RBM4B: variants seen among roughly 807,000 people sequenced by gnomAD.
The protein encoded by RBM4B is RNA binding motif protein 4B.
RBM4B carries 13 observed loss-of-function variants against 28.5 expected under a neutral mutation model. That is an observed-to-expected ratio of 0.46 (90% CI 0.30 to 0.72). RBM4B has a LOEUF of 0.72. Ranked by LOEUF, RBM4B falls within the 30% of genes least tolerant of loss-of-function variation. The pLI is 0.09. For missense variants in RBM4B, 387 were observed against 477.6 expected, an observed-to-expected ratio of 0.81 and a Z score of 1.77; for synonymous variants, 167 against 179.1, an observed-to-expected ratio of 0.93 and a Z score of 0.54.
chr11:66,673,796 A>G (rs1939547895), intron 2 of RBM4B, among the ~76,000 whole-genome samples: 2 of 152,156 alleles, frequency 1.3e-5, no homozygotes, highest in Admixed American at 1.3e-4. Context: ...CTTCATTAGT[A>G]GACAACTGAA....
At chr11:66,673,743 G>A (rs1198001594) in intron 2 of RBM4B, among the ~76,000 whole-genome samples, 1 of 152,196 alleles carries the variant, frequency 6.6e-6, no homozygotes, top group Admixed American at 6.5e-5. Context: ...TTACAGGAGT[G>A]AGCCACCTCA....
At chr11:66,672,975 T>C (rs575901182) in intron 2 of RBM4B, among the ~76,000 whole-genome samples, 1 of 152,342 alleles carries the variant, frequency 6.6e-6, no homozygotes, top group African/African-American at 2.4e-5. Flanking sequence ...CAAAAGTTAC[T>C]GAAGTTTGTT....
At chr11:66,672,077 A>G (rs1231968572) in intron 2 of RBM4B, among the ~76,000 whole-genome samples, 5 of 152,172 alleles carry the variant, frequency 3.3e-5, no homozygotes, top group African/African-American at 4.8e-5. Flanking sequence ...AAAAAAATCT[A>G]TAATAGGGGT....
chr11:66,668,510 G>T (rs1939330995), intron 3 of RBM4B, 105 bp downstream of exon 3: 1 of 840,280 alleles, frequency 1.2e-6, no homozygotes, highest in South Asian at 1.8e-5. Flanking sequence ...GCACCTTTTG[G>T]ATACTGTCCG....
At chr11:66,677,363 C>A in intron 1 of RBM4B, 1 of 503,336 alleles carries the variant, frequency 2.0e-6, no homozygotes, top group Non-Finnish European at 3.5e-6. Context: ...TTAGCTGCTT[C>A]ATGTCTTAAA....
chr11:66,668,906 A>G lies in RBM4B; in HGVS notation c.798T>C (p.Thr266=), dbSNP rs1178404254. Residue 266 remains threonine, a synonymous_variant, in exon 3 of 4, where the codon ACT becomes ACC. Coordinates refer to ENST00000310046, the MANE Select transcript of RBM4B (RefSeq NM_031492.4). The part of the protein sequence containing the change: ...STTVTSHLNS[T]SVDPYDRHLL... ...GGTGTCTGTCATAGGGATCAACAGAAGTAGAGTTGAGGTGGCTGGTCACAG... is the reference window on the plus strand; with the variant it reads ...GGTGTCTGTCATAGGGATCAACAGAGGTAGAGTTGAGGTGGCTGGTCACAG... 1.2e-6 allele frequency: 2 copies of G among 1,614,058 alleles called. No homozygotes were observed. Among genetic ancestry groups the G allele is most frequent in the Non-Finnish European group, 8.5e-7 (1 of 1,180,030 alleles).
intron 2 of RBM4B, among the ~76,000 whole-genome samples, chr11:66,674,316 T>A (rs1455024796): frequency 1.3e-5 from 2 of 150,704 alleles, no homozygotes; most frequent in African/African-American, 2.4e-5. Flanking sequence ...CTCTGCCTCC[T>A]GGGTTCACGC....
chr11:66,666,783 G>A (rs1426453665), intron 3 of RBM4B: 2 of 152,024 alleles, frequency 1.3e-5, no homozygotes, highest in African/African-American at 4.8e-5. Context: ...ACACAGACTA[G>A]CTGCATGGTG....
chr11:66,677,573 C>G (rs939314987), intron 1 of RBM4B, 191 bp downstream of exon 1: 1 of 158,746 alleles, frequency 6.3e-6, no homozygotes. Flanking sequence ...CCAGCTTCTT[C>G]GCCCCAACAA....
chr11:66,668,767 G>A lies in RBM4B; in HGVS notation c.937C>T (p.Leu313Phe). ...CCGTAGCCCTCTCCAACTGTGGGGA[G>A]CATGGCTGCAGCACGACGCAGTGGG... is the stretch of plus-strand genomic sequence containing the variant. ...RSPLRRAAAMLPTVGEGYGYG... is the reference protein window; with the variant it reads ...RSPLRRAAAMFPTVGEGYGYG... The change falls in exon 3 of 4, where the codon CTC (leucine) becomes TTC (phenylalanine). Residue 313 changes from leucine to phenylalanine, a missense_variant. Around this residue, in one of 2 missense-constraint regions of RBM4B, gnomAD observed 226 missense variants for 220.6 expected, o/e 1.02. Coordinates refer to ENST00000310046, the MANE Select transcript of RBM4B (RefSeq NM_031492.4). 6.2e-7 allele frequency: 1 copy of A among 1,614,232 alleles called. No homozygotes were observed. The highest frequency in any genetic ancestry group is 2.2e-5 in the East Asian group (1 of 44,894).
chr11:66,672,505 TGG>T (rs544414659), intron 2 of RBM4B, among the ~76,000 whole-genome samples: 1 of 135,876 alleles, frequency 7.4e-6, no homozygotes, highest in Non-Finnish European at 1.6e-5. Flanking sequence ...TTAATTTTTT[TGG>T]GGGGGGGGGA....
At position 66,676,679 on chromosome 11, in the gene RBM4B, G is replaced by C; in HGVS notation, c.401C>G (p.Thr134Arg). Reference protein sequence around the residue: ...AVEAIRGLDNTEFQGKRMHVQ... With the variant: ...AVEAIRGLDNREFQGKRMHVQ... ...CCAGAGCAGTTCACCTTGAAACTCTGTGTTGTCAAGGCCCCTGATGGCCTC... is the reference window on the plus strand; with the variant it reads ...CCAGAGCAGTTCACCTTGAAACTCTCTGTTGTCAAGGCCCCTGATGGCCTC... The change falls in exon 2 of 4, where the codon ACA (threonine) becomes AGA (arginine). Residue 134 changes from threonine (T) to arginine (R), a missense_variant. By Grantham distance (71) the Thr-to-Arg change is moderately conservative. Around this residue, in one of 2 missense-constraint regions of RBM4B, gnomAD observed 161 missense variants for 256.9 expected, o/e 0.63. Coordinates refer to ENST00000310046, the MANE Select transcript of RBM4B (RefSeq NM_031492.4). 6.2e-7 allele frequency: 1 copy of C among 1,613,990 alleles called. No homozygotes were observed. Among genetic ancestry groups the C allele is most frequent in the Non-Finnish European group, 8.5e-7 (1 of 1,179,898 alleles).
chr11:66,668,544 C>CT, intron 3 of RBM4B, 71 bp downstream of exon 3: 1 of 1,347,032 alleles, frequency 7.4e-7, no homozygotes, highest in Non-Finnish European at 1.0e-6. Context: ...GCTCTAGCCA[C>CT]TTTTATGAAG....
rs145858657 is a variant in RBM4B at position 66,668,748 on chromosome 11, C to T, written c.956G>A (p.Gly319Asp). 1.2e-6 allele frequency: 2 copies of T among 1,614,216 alleles called. No individual in the cohort carries two copies. The highest frequency in any genetic ancestry group is 1.3e-5 in the African/African-American group (1 of 75,046). ...TTCACTCTCTGGCCCATAACCGTAG[C>T]CCTCTCCAACTGTGGGGAGCATGGC... ...AAAMLPTVGE[G>D]YGYGPESELS... Residue 319 changes from glycine (G) to aspartate (D), a missense_variant, in exon 3 of 4, where the codon GGC becomes GAC. Gly to Asp is a moderately conservative substitution (Grantham distance 94). Around this residue, in one of 2 missense-constraint regions of RBM4B, gnomAD observed 226 missense variants for 220.6 expected, o/e 1.02. Coordinates refer to ENST00000310046, the MANE Select transcript of RBM4B (RefSeq NM_031492.4).
intron 3 of RBM4B, chr11:66,667,059 A>G (rs1939263603): frequency 6.6e-6 from 1 of 151,950 alleles, no homozygotes; most frequent in Non-Finnish European, 1.5e-5. Flanking sequence ...GCCACTGTAC[A>G]CAGCTGCTTT....
In RBM4B at chr11:66,677,238, C is replaced by T. The variant is rs1590890065; in HGVS notation, c.-12-147G>A. 1.1e-5 allele frequency: 12 copies of T among 1,070,050 alleles called. 1 individual carries two copies. The East Asian group carries it at 3.1e-4, about 27-fold the overall frequency. The allele number at this position is 1,070,050 out of a possible 1,614,324, so 66.3% of individuals were successfully genotyped here. A position where few individuals can be genotyped will look rare whatever the true frequency, so the allele number is the denominator to read the frequency against. On this transcript the variant is annotated intron_variant, in intron 1 of 3. Transcript: ENST00000310046. ...TTATTCTTCCTCAATAGAAGAAGGG[C>T]GGTTTGTTCTCGAGAAGTGCGAGCT... is the stretch of plus-strand genomic sequence containing the variant.
intron 1 of RBM4B, 177 bp from the exon 2 acceptor site, chr11:66,677,268 G>C (rs145247777): frequency 2.6e-6 from 2 of 757,514 alleles, no homozygotes; most frequent in Non-Finnish European, 4.2e-6. Flanking sequence ...CGAGCTATGC[G>C]TGACATGCAA....
chr11:66,666,217 TTGA>T (rs1226255612), intron 3 of RBM4B: 2 of 878,278 alleles, frequency 2.3e-6, no homozygotes, highest in African/African-American at 1.8e-5. Context: ...AATCCTTCTA[TTGA>T]TGATGGGAAC....
At chr11:66,676,645 T>C (rs1398971814) in intron 2 of RBM4B, 23 bp downstream of exon 2, 3 of 1,611,600 alleles carry the variant, frequency 1.9e-6, no homozygotes, top group Middle Eastern at 1.7e-4. Flanking sequence ...TCGGCGCTAC[T>C]ACCCAGGCCC....
Sources: allele counts gnomAD v4.1 joint callset (sites outside exome capture counted in the v4.1 genomes callset), GRCh38; gene constraint gnomAD v4.1.1; regional missense constraint gnomAD v4.1.1; transcripts MANE v1.5; gene names NCBI Gene and HGNC (gene_info 2026-07-23, HGNC 2026-07-21).